Variants in CPSF7 observed in about 807,000 individuals in gnomAD.
CPSF7 encodes the protein cleavage and polyadenylation specificity factor subunit 7.
In CPSF7, 1 loss-of-function variant was observed where a neutral mutation model predicts 44.3. The observed-to-expected ratio is 0.02, with a 90% confidence interval of 0.01 to 0.11. CPSF7 has a LOEUF of 0.11. CPSF7 is among the 10% of genes least tolerant of loss of function. CPSF7 has a pLI of 1.00. For synonymous variants in CPSF7, 202 were observed against 222.0 expected (o/e 0.91, Z 0.80); for missense variants, 443 against 607.2 (o/e 0.73, Z 2.84).
intron 5 of CPSF7, among the ~76,000 whole-genome samples, chr11:61,417,474 T>C (rs1860444974): frequency 6.6e-6 from 1 of 152,346 alleles, no homozygotes; most frequent in African/African-American, 2.4e-5. Flanking sequence ...AAGAACAAGA[T>C]CACATGGCTT....
rs71471824 is a variant in CPSF7, at chr11:61,423,105, C to CAAA, written c.55-1500_55-1498dup. Among the ~76,000 whole-genome samples, 206 of 52,248 alleles carry CAAA rather than the reference C, an allele frequency of 3.9e-3. 3 individuals are homozygous for CAAA. Among genetic ancestry groups the CAAA allele is most frequent in the African/African-American group, 9.3e-3 (105 of 11,284 alleles). The allele number at this position is 52,248 out of a possible 152,430, so 34.3% of individuals were successfully genotyped here. A position where few individuals can be genotyped will look rare whatever the true frequency, so the allele number is the denominator to read the frequency against. On this transcript the variant is annotated intron_variant, in intron 2 of 9. Coordinates refer to ENST00000439958, the MANE Select transcript of CPSF7 (RefSeq NM_001142565.3). ...TGGGCAACAGAGTGAGACCCCATAT[C>CAAA]AAAAAAAAAAAAAAAAAAAAAAAAA...
In CPSF7 at chr11:61,404,683, AC is replaced by A. The variant is rs1282084047; in HGVS notation, c.*26del. The A allele has an allele frequency of 6.6e-6, 1 of 152,252 alleles. No individual in the cohort carries two copies. The highest frequency in any genetic ancestry group is 6.5e-5 in the Admixed American group (1 of 15,286). The allele number at this position is 152,252 out of a possible 1,614,324, so 9.4% of individuals were successfully genotyped here. ...GAGGAGATGCAAGTCCATTAAAAAA[AC>A]ATTTGCTTCCAACCAGACTCCTGCA... On this transcript the variant is annotated 3_prime_UTR_variant, in exon 10 of 10. Coordinates refer to ENST00000439958, the MANE Select transcript of CPSF7 (RefSeq NM_001142565.3).
At chr11:61,425,193 G>A (rs898347934) in intron 2 of CPSF7, among the ~76,000 whole-genome samples, 1 of 152,240 alleles carries the variant, frequency 6.6e-6, no homozygotes, top group Non-Finnish European at 1.5e-5. Context: ...CAGGTCTGTT[G>A]AGGGTTCTAC....
Position 61,420,055 on chromosome 11 carries a change from G to A in CPSF7, c.417C>T (p.His139=), listed in dbSNP as rs751439980. ...EVVVASENSV[H]KLLELLPGKV... ...TCCCTGGTAGGAGTTCCAACAATTT[G>A]TGGACAGAGTTTTCAGAGGCTACCA... is the stretch of plus-strand genomic sequence containing the variant. Residue 139 remains histidine (H), a synonymous_variant, in exon 5 of 10, where the codon CAC becomes CAT. Transcript: ENST00000439958. The A allele has an allele frequency of 8.1e-6, 13 of 1,613,912 alleles. No homozygotes were observed. The highest frequency in any genetic ancestry group is 1.1e-5 in the Non-Finnish European group (13 of 1,179,922).
intron 2 of CPSF7, among the ~76,000 whole-genome samples, chr11:61,424,862 T>A (rs1861208997): frequency 6.6e-6 from 1 of 152,332 alleles, no homozygotes; most frequent in South Asian, 2.1e-4. Context: ...CCATGCAGTA[T>A]CTGTAATTCA....
At chr11:61,413,442 C>T (rs1860027408) in intron 7 of CPSF7, among the ~76,000 whole-genome samples, 1 of 151,852 alleles carries the variant, frequency 6.6e-6, no homozygotes, top group African/African-American at 2.4e-5. Flanking sequence ...ACCAGCCTGG[C>T]CAAAATGGTG....
At chr11:61,427,748 C>A (rs1481275562) in intron 2 of CPSF7, among the ~76,000 whole-genome samples, 1 of 151,332 alleles carries the variant, frequency 6.6e-6, no homozygotes, top group African/African-American at 2.4e-5. Context: ...AGACAAGAAA[C>A]CTGCCATTAA....
chr11:61,409,328 C>T (rs12277311), intron 9 of CPSF7, among the ~76,000 whole-genome samples: 4,975 of 151,686 alleles, frequency 0.033, 281 homozygotes, highest in African/African-American at 0.11. Flanking sequence ...AAAAATTAGC[C>T]GGGCGTGGTG....
In CPSF7 at chr11:61,421,696, T is replaced by C. The variant is rs1330193711; in HGVS notation, c.55-88A>G. 1.5e-5 allele frequency: 14 copies of C among 956,168 alleles called. No homozygotes were observed. The East Asian group carries it at 3.4e-4, about 23-fold the overall frequency. The allele number at this position is 956,168 out of a possible 1,614,324, so 59.2% of individuals were successfully genotyped here. On this transcript the variant is annotated intron_variant, in intron 2 of 9. Coordinates refer to ENST00000439958, the MANE Select transcript of CPSF7 (RefSeq NM_001142565.3). ...TCTAGTTTATTAGAATCCAGTTAAA[T>C]ACTTGGTAAAACATGTACAAAACTT...
Position 61,429,922 on chromosome 11 carries a change from T to G in CPSF7, c.-64A>C. ...CCGCGCGCCCCCGTTACCGGGAATA[T>G]GGCGGCGGCGGCGGCGAGTCCGGAC... On this transcript the variant is annotated 5_prime_UTR_variant, in exon 1 of 10. Coordinates refer to ENST00000439958, the MANE Select transcript of CPSF7 (RefSeq NM_001142565.3). 6.8e-7 allele frequency: 1 copy of G among 1,468,246 alleles called. No homozygotes were observed. Among genetic ancestry groups the G allele is most frequent in the Non-Finnish European group, 9.1e-7 (1 of 1,097,232 alleles). The allele number at this position is 1,468,246 out of a possible 1,614,324, so 91.0% of individuals were successfully genotyped here.
rs758380572 is a variant in CPSF7 at position 61,420,044 on chromosome 11, T to A, written c.428A>T (p.Glu143Val). Residue 143 changes from glutamate to valine, a missense_variant, in exon 5 of 10, where the codon GAA becomes GTA. Physicochemically the swap from Glu to Val is moderately radical, Grantham distance 121. Transcript: ENST00000439958. ...ASENSVHKLL[E>V]LLPGKVLNGE... ...ATTAAGAACTTTCCCTGGTAGGAGT[T>A]CCAACAATTTGTGGACAGAGTTTTC... The A allele has an allele frequency of 6.2e-7, 1 of 1,614,020 alleles. No individual in the cohort carries two copies. Among genetic ancestry groups the A allele is most frequent in the Non-Finnish European group, 8.5e-7 (1 of 1,179,988 alleles).
At chr11:61,429,858 G>C (rs1181837139) in intron 1 of CPSF7, 56 bp downstream of exon 1, 8 of 1,541,190 alleles carry the variant, frequency 5.2e-6, no homozygotes, top group Non-Finnish European at 7.0e-6. Context: ...CCGCCTCAGT[G>C]CCGGCCCGGA....
intron 7 of CPSF7, among the ~76,000 whole-genome samples, chr11:61,412,435 G>A (rs530497137): frequency 2.6e-5 from 4 of 151,922 alleles, no homozygotes; most frequent in East Asian, 1.9e-4. Flanking sequence ...GACTACAGGC[G>A]CCTGCCACCA....
At position 61,404,344 on chromosome 11, in the gene CPSF7, A is replaced by G. The variant is rs1189772357; in HGVS notation, c.*366T>C. 1 of 152,572 alleles carries G rather than the reference A, an allele frequency of 6.6e-6. No homozygotes were observed. Among genetic ancestry groups the G allele is most frequent in the African/African-American group, 2.4e-5 (1 of 41,428 alleles). The allele number at this position is 152,572 out of a possible 1,614,324, so 9.5% of individuals were successfully genotyped here. ...GAGGATCTATTTTCTTTGGGAAGGA[A>G]GTCTTCCCATCAACCTCACCATTGA... On this transcript the variant is annotated 3_prime_UTR_variant, in exon 10 of 10. Coordinates refer to ENST00000439958, the MANE Select transcript of CPSF7 (RefSeq NM_001142565.3).
Position 61,407,743 on chromosome 11 carries a change from T to C in CPSF7, c.*6-3039A>G, listed in dbSNP as rs372073739. On this transcript the variant is annotated intron_variant, in intron 9 of 9. Coordinates refer to ENST00000439958, the MANE Select transcript of CPSF7 (RefSeq NM_001142565.3). ...TTCCACTTACTTGTTTGGGAGAAGATAAAAACAATTCCTGGCTATAAATCT... is the reference window on the plus strand; with the variant it reads ...TTCCACTTACTTGTTTGGGAGAAGACAAAAACAATTCCTGGCTATAAATCT... Among the ~76,000 whole-genome samples the C allele has an allele frequency of 3.9e-5, 6 of 152,328 alleles. No homozygotes were observed. The East Asian group carries it at 7.7e-4, about 20-fold the overall frequency.
chr11:61,404,349 T>TC lies in CPSF7; in HGVS notation c.*360dup, dbSNP rs1194175340. ...TCTATTTTCTTTGGGAAGGAAGTCT[T>TC]CCCATCAACCTCACCATTGAACGGC... On this transcript the variant is annotated 3_prime_UTR_variant, in exon 10 of 10. Transcript: ENST00000439958. 1 of 152,578 alleles carries TC rather than the reference T, an allele frequency of 6.6e-6. No individual in the cohort carries two copies. Among genetic ancestry groups the TC allele is most frequent in the Non-Finnish European group, 1.5e-5 (1 of 68,056 alleles). 9.5% of individuals were successfully genotyped at this position (152,578 alleles called of 1,614,324 possible).
At chr11:61,405,014 A>C (rs983997736) in intron 9 of CPSF7, among the ~76,000 whole-genome samples, 3 of 152,242 alleles carry the variant, frequency 2.0e-5, no homozygotes, top group African/African-American at 7.2e-5. Context: ...CTTTGGCTGC[A>C]AAAGTATGGA....
At position 61,422,870 on chromosome 11, in the gene CPSF7, C is replaced by T. The variant is rs145663589; in HGVS notation, c.55-1262G>A. ...TTTACAGGCTGGGTGCAGTGGCTCACGCCTTGTATCCCAGCACTTTAGGAC... is the reference window on the plus strand; with the variant it reads ...TTTACAGGCTGGGTGCAGTGGCTCATGCCTTGTATCCCAGCACTTTAGGAC... On this transcript the variant is annotated intron_variant, in intron 2 of 9. Transcript: ENST00000439958. Among the ~76,000 whole-genome samples, 460 of 152,018 alleles carry T rather than the reference C, an allele frequency of 3.0e-3. 4 individuals are homozygous for T. Among genetic ancestry groups the T allele is most frequent in the African/African-American group, 0.01 (429 of 41,478 alleles).
intron 1 of CPSF7, chr11:61,429,638 GC>G: frequency 1.7e-6 from 2 of 1,150,760 alleles, no homozygotes; most frequent in South Asian, 1.4e-5. Context: ...CACCTGCCTA[GC>G]CCCCAAGGCG....
Sources: allele counts gnomAD v4.1 joint callset (sites outside exome capture counted in the v4.1 genomes callset), GRCh38; gene constraint gnomAD v4.1.1; transcripts MANE v1.5; gene names NCBI Gene and HGNC (gene_info 2026-07-23, HGNC 2026-07-21).